CHEK2: variants seen among roughly 807,000 people sequenced by gnomAD.
CHEK2 encodes serine/threonine-protein kinase Chk2.
Under a neutral mutation model 69.1 loss-of-function variants are expected in CHEK2, and 71 were observed. The observed-to-expected ratio is 1.03, with a 90% CI of 0.85 to 1.25. The LOEUF (loss-of-function observed/expected upper bound fraction) is 1.25, where lower values mean the gene tolerates loss of function less well. Ranked by LOEUF, CHEK2 falls within the 50% of genes most tolerant of loss-of-function variation. The pLI is 0.00. For synonymous variants in CHEK2, 189 were observed against 226.9 expected (o/e 0.83, Z 1.50); for missense variants, 664 against 649.6 (o/e 1.02, Z -0.24).
rs2052176365 is a variant in CHEK2, at chr22:28,687,816, A to C, written c.*81T>G. The C allele has an allele frequency of 9.0e-7, 1 of 1,114,002 alleles. No individual in the cohort carries two copies. 69.0% of individuals were successfully genotyped at this position (1,114,002 alleles called of 1,614,324 possible). A position where few individuals can be genotyped will look rare whatever the true frequency, so the allele number is the denominator to read the frequency against. On this transcript the variant is annotated 3_prime_UTR_variant, in exon 15 of 15. Coordinates refer to ENST00000404276, the MANE Select transcript of CHEK2 (RefSeq NM_007194.4). ...AATTATTCCCATAATTAAAATACAA[A>C]CTATAAAAAAACAGACTCAAAGAAA...
At chr22:28,724,488 ATCTG>A (rs947580451) in intron 4 of CHEK2, 13 of 226,904 alleles carry the variant, frequency 5.7e-5, no homozygotes, top group Non-Finnish European at 8.1e-5. Context: ...AACCTTAAAA[ATCTG>A]TCTGGATGGA....
rs1484931025 is a variant in CHEK2, at chr22:28,712,147, C to CA, written c.684-131dup. 1.5e-5 allele frequency: 11 copies of CA among 733,030 alleles called. No individual in the cohort carries two copies. In the Admixed American group the frequency reaches 2.0e-4, roughly 14 times the overall value. 45.4% of individuals were successfully genotyped at this position (733,030 alleles called of 1,614,324 possible). On this transcript the variant is annotated intron_variant, in intron 5 of 14. Transcript: ENST00000404276. ...ACAGCCTTTCCATTGTCCCTGTTTG[C>CA]AGAGGACACAGTGAAACTTCACCAG... is the stretch of plus-strand genomic sequence containing the variant.
chr22:28,730,489 G>A (rs2054180038), intron 2 of CHEK2: 1 of 699,760 alleles, frequency 1.4e-6, no homozygotes, highest in African/African-American at 1.8e-5. Context: ...GCTGAGGCAG[G>A]AGGATCAGAT....
intron 4 of CHEK2, among the ~76,000 whole-genome samples, chr22:28,723,648 A>T (rs1472766261): frequency 6.6e-6 from 1 of 150,734 alleles, no homozygotes; most frequent in Non-Finnish European, 1.5e-5. Context: ...ATGTATACAG[A>T]AATAAATGAA....
chr22:28,704,157 CACACA>C (rs1221917106), intron 7 of CHEK2, among the ~76,000 whole-genome samples: 6 of 148,160 alleles, frequency 4.0e-5, no homozygotes, highest in East Asian at 3.9e-4. Flanking sequence ...CACACACACA[CACACA>C]CCTATGGCTG....
intron 4 of CHEK2, among the ~76,000 whole-genome samples, chr22:28,721,261 TTTGTTTG>T (rs920033431): frequency 2.6e-5 from 4 of 151,916 alleles, no homozygotes; most frequent in Admixed American, 2.0e-4. Context: ...TGTACTGTTT[TTTGTTTG>T]TTGTTTGTTT....
chr22:28,733,647 G>A (rs1328726639), intron 2 of CHEK2, among the ~76,000 whole-genome samples: 3 of 152,106 alleles, frequency 2.0e-5, no homozygotes, highest in African/African-American at 7.2e-5. Flanking sequence ...AGATGGGCAC[G>A]GTTGCTCATG....
At chr22:28,729,097 T>C (rs779538295) in intron 2 of CHEK2, among the ~76,000 whole-genome samples, 12 of 152,160 alleles carry the variant, frequency 7.9e-5, no homozygotes, top group Non-Finnish European at 1.2e-4. Flanking sequence ...TGTCAACTCA[T>C]CTATGAGGCC....
intron 8 of CHEK2, 33 bp downstream of exon 8, chr22:28,703,472 G>T (rs2145876071): frequency 8.8e-7 from 1 of 1,141,748 alleles, no homozygotes; most frequent in Non-Finnish European, 1.3e-6. Flanking sequence ...CATTTGAATG[G>T]AAACAGAAAT....
At chr22:28,708,373 G>GTGTC (rs1555919286) in intron 7 of CHEK2, among the ~76,000 whole-genome samples, 2 of 150,468 alleles carry the variant, frequency 1.3e-5, no homozygotes, top group African/African-American at 4.9e-5. Context: ...ATGTGTGTGT[G>GTGTC]TGTGTGTGTG....
intron 9 of CHEK2, 141 bp downstream of exon 9, chr22:28,699,697 A>C: frequency 1.4e-6 from 1 of 722,926 alleles, no homozygotes; most frequent in East Asian, 2.6e-5. Context: ...AAGGAGTAGG[A>C]CATTTTTGCC....
intron 2 of CHEK2, among the ~76,000 whole-genome samples, chr22:28,725,888 G>A (rs17880275): frequency 1.1e-4 from 16 of 140,506 alleles, no homozygotes; most frequent in South Asian, 2.4e-4. Context: ...TAGCCTGGGC[G>A]ACAGAGTGAG....
In CHEK2 at chr22:28,705,852, G is replaced by A. The variant is rs539339376; in HGVS notation, c.847-2286C>T. On this transcript the variant is annotated intron_variant, in intron 7 of 14. Transcript: ENST00000404276. ...GAGACAGGAGAATCGCTTGTACCTG[G>A]GAATCGCTTGAACCCGGGAGGCAGA... is the stretch of plus-strand genomic sequence containing the variant. Among the ~76,000 whole-genome samples, 151 of 152,102 alleles carry A rather than the reference G, an allele frequency of 9.9e-4. 1 individual carries two copies. In the South Asian group the frequency reaches 0.012, roughly 13 times the overall value.
In CHEK2 at chr22:28,689,792, G is replaced by A. The variant is rs1317332665; in HGVS notation, c.1462-577C>T. On this transcript the variant is annotated intron_variant, in intron 13 of 14. Transcript: ENST00000404276. Reference sequence around the variant, plus strand: ...AGTATTTTGTTTCTGCTGCAGGAGCGGGAGGTGAGGGGTTTCATGCTGCAG... The same window carrying A: ...AGTATTTTGTTTCTGCTGCAGGAGCAGGAGGTGAGGGGTTTCATGCTGCAG... 5.9e-5 allele frequency among the ~76,000 whole-genome samples: 9 copies of A among 152,272 alleles called. No homozygotes were observed. In the East Asian group the frequency reaches 7.7e-4, roughly 13 times the overall value.
chr22:28,724,656 T>C (rs1169162770), intron 4 of CHEK2: 3 of 373,086 alleles, frequency 8.0e-6, no homozygotes, highest in Non-Finnish European at 5.2e-6. Context: ...AACCTCTGCC[T>C]CCCGGGTTCA....
rs1446554395 is a variant in CHEK2, at chr22:28,700,195, T to C, written c.909-258A>G. Among the ~76,000 whole-genome samples, 3 of 148,752 alleles carry C rather than the reference T, an allele frequency of 2.0e-5. No individual in the cohort carries two copies. The Admixed American group carries it at 2.0e-4, about 10-fold the overall frequency. On this transcript the variant is annotated intron_variant, in intron 8 of 14. Transcript: ENST00000404276. ...AAAATCCAATTCAGTAGCTTGGAAG[T>C]GGGGCCCAGGAGTTGCTTTTTTTTT...
chr22:28,728,594 C>T (rs1407081870), intron 2 of CHEK2, among the ~76,000 whole-genome samples: 2 of 152,002 alleles, frequency 1.3e-5, no homozygotes, highest in Admixed American at 6.6e-5. Context: ...CCCAGCTACT[C>T]TGGAGGCTGA....
intron 5 of CHEK2, among the ~76,000 whole-genome samples, chr22:28,714,552 A>T (rs1303717065): frequency 6.6e-6 from 1 of 152,200 alleles, no homozygotes; most frequent in African/African-American, 2.4e-5. Flanking sequence ...CTTATCAGAT[A>T]TAGGGCTTGC....
At chr22:28,730,429 A>T in intron 2 of CHEK2, 1 of 674,174 alleles carries the variant, frequency 1.5e-6, no homozygotes, top group Non-Finnish European at 2.7e-6. Context: ...CTTAGACTGC[A>T]AACTGGCCGG....
Sources: gnomAD v4.1 joint callset for allele counts (sites outside exome capture counted in the v4.1 genomes callset) on GRCh38, gnomAD v4.1.1 for gene constraint, MANE v1.5 for transcripts, NCBI Gene and HGNC (gene_info 2026-07-23, HGNC 2026-07-21) for gene names.